Variants in RFX3 observed in about 807,000 individuals in gnomAD.
The protein encoded by RFX3 is regulatory factor X3.
In RFX3, 14 loss-of-function variants were observed where a neutral mutation model predicts 98.6. The ratio of observed to expected loss-of-function variants is 0.14; its 90% CI spans 0.09 to 0.22. The LOEUF (loss-of-function observed/expected upper bound fraction) is 0.22. Among genes scored for constraint, RFX3 ranks in the 10% least tolerant of loss-of-function variants. The pLI, the probability that RFX3 is intolerant of heterozygous loss-of-function variation, is 1.00. For synonymous variants in RFX3, 383 were observed against 328.4 expected (o/e 1.17, Z -1.80); for missense variants, 639 against 926.9 (o/e 0.69, Z 4.03).
At chr9:3,227,239 G>A (rs909932655) in intron 16 of RFX3, among the ~76,000 whole-genome samples, 1 of 152,196 alleles carries the variant, frequency 6.6e-6, no homozygotes, top group African/African-American at 2.4e-5. Context: ...GAGACAAAGT[G>A]AGGAAAGTTC....
intron 1 of RFX3, among the ~76,000 whole-genome samples, chr9:3,430,148 G>A (rs150999113): frequency 0.024 from 3,665 of 152,240 alleles, 78 homozygotes; most frequent in African/African-American, 0.05. Context: ...GGGTATGTAA[G>A]AGAATAAAAT....
At chr9:3,489,019 G>A (rs903214436) in intron 1 of RFX3, 11 of 367,260 alleles carry the variant, frequency 3.0e-5, no homozygotes, top group Non-Finnish European at 4.1e-5. Context: ...TTAGAACTTA[G>A]AAATTAAAGT....
chr9:3,351,337 A>T (rs993606199), intron 2 of RFX3, among the ~76,000 whole-genome samples: 1 of 152,076 alleles, frequency 6.6e-6, no homozygotes, highest in Non-Finnish European at 1.5e-5. Context: ...ATACAAACAT[A>T]TACTAGTTTA....
At chr9:3,476,693 G>C (rs1341435352) in intron 1 of RFX3, among the ~76,000 whole-genome samples, 1 of 152,114 alleles carries the variant, frequency 6.6e-6, no homozygotes, top group Non-Finnish European at 1.5e-5. Context: ...AACTTTATAA[G>C]AATTGCTTTA....
intron 1 of RFX3, among the ~76,000 whole-genome samples, chr9:3,429,375 A>C (rs1416861963): frequency 6.7e-6 from 1 of 149,880 alleles, no homozygotes; most frequent in African/African-American, 2.4e-5. Context: ...GAAAATGTTT[A>C]ATATGTAATC....
intron 1 of RFX3, among the ~76,000 whole-genome samples, chr9:3,408,486 C>G (rs1163890654): frequency 6.6e-6 from 1 of 151,978 alleles, no homozygotes; most frequent in Non-Finnish European, 1.5e-5. Context: ...AAGGATCGGT[C>G]AAGCAGAGGA....
chr9:3,430,642 T>C (rs544351975), intron 1 of RFX3, among the ~76,000 whole-genome samples: 1 of 152,344 alleles, frequency 6.6e-6, no homozygotes, highest in East Asian at 1.9e-4. Context: ...ATCTGATTCA[T>C]TCTTTTGAAT....
At chr9:3,442,575 T>G (rs1309064083) in intron 1 of RFX3, among the ~76,000 whole-genome samples, 1 of 152,154 alleles carries the variant, frequency 6.6e-6, no homozygotes, top group African/African-American at 2.4e-5. Context: ...AAATAAAGTC[T>G]GAAGTATAGC....
intron 13 of RFX3, among the ~76,000 whole-genome samples, chr9:3,259,704 T>C (rs574648693): frequency 7.2e-5 from 11 of 151,992 alleles, no homozygotes; most frequent in African/African-American, 2.4e-4. Flanking sequence ...TACTATCAAT[T>C]AAATGAAACA....
chr9:3,482,846 G>C (rs1463376796), intron 1 of RFX3, among the ~76,000 whole-genome samples: 2 of 151,956 alleles, frequency 1.3e-5, no homozygotes, highest in Non-Finnish European at 1.5e-5. Flanking sequence ...TAGAGACCTT[G>C]ATTCTGTAAC....
chr9:3,503,843 T>G (rs1232896164), intron 1 of RFX3, among the ~76,000 whole-genome samples: 1 of 152,040 alleles, frequency 6.6e-6, no homozygotes, highest in Admixed American at 6.6e-5. Flanking sequence ...AGCCATCATA[T>G]GCAAAGATTC....
At chr9:3,245,471 T>A (rs146887909) in intron 15 of RFX3, among the ~76,000 whole-genome samples, 1,814 of 152,002 alleles carry the variant, frequency 0.012, 46 homozygotes, top group African/African-American at 0.041. Context: ...CACTGAAGGG[T>A]TTCAAGTGGG....
intron 1 of RFX3, among the ~76,000 whole-genome samples, chr9:3,420,500 TA>T (rs991697218): frequency 1.3e-5 from 2 of 152,220 alleles, no homozygotes; most frequent in African/African-American, 4.8e-5. Flanking sequence ...GTAGTATAGA[TA>T]TTTTTTATTA....
chr9:3,445,679 C>G (rs115406467), intron 1 of RFX3, among the ~76,000 whole-genome samples: 4 of 152,060 alleles, frequency 2.6e-5, no homozygotes, highest in Non-Finnish European at 4.4e-5. Context: ...TGATGGCTTT[C>G]GTGCCTTATA....
chr9:3,514,167 T>C (rs971022372), intron 1 of RFX3, among the ~76,000 whole-genome samples: 92 of 152,246 alleles, frequency 6.0e-4, no homozygotes, highest in African/African-American at 2.2e-3. Context: ...TTCAAAGAAC[T>C]TCATCAGACA....
chr9:3,444,593 C>A (rs1223292278), intron 1 of RFX3, among the ~76,000 whole-genome samples: 1 of 152,124 alleles, frequency 6.6e-6, no homozygotes, highest in African/African-American at 2.4e-5. Flanking sequence ...AAATATACCA[C>A]AACAAAGCTG....
Position 3,218,916 on chromosome 9 carries a change from T to TA in RFX3, c.*6125dup. ...TTAAATGATGGCACTTAAAAAAAAA[T>TA]ACAGTATCTTAAAAAAACACAATGA... On this transcript the variant is annotated 3_prime_UTR_variant, in exon 17 of 17. Coordinates refer to ENST00000617270, the MANE Select transcript of RFX3 (RefSeq NM_001282116.2). 6.6e-6 allele frequency: 1 copy of TA among 152,054 alleles called. No homozygotes were observed. Among genetic ancestry groups the TA allele is most frequent in the South Asian group, 2.1e-4 (1 of 4,820 alleles). The allele number at this position is 152,054 out of a possible 1,614,324, so 9.4% of individuals were successfully genotyped here.
In RFX3 at chr9:3,385,256, T is replaced by C. The variant is rs527394244; in HGVS notation, c.117+10216A>G. Among the ~76,000 whole-genome samples the C allele has an allele frequency of 2.3e-3, 347 of 152,296 alleles. 1 individual carries two copies. The highest frequency in any genetic ancestry group is 7.7e-3 in the African/African-American group (318 of 41,560). On this transcript the variant is annotated intron_variant, in intron 2 of 16. Coordinates refer to ENST00000617270, the MANE Select transcript of RFX3 (RefSeq NM_001282116.2). ...CATGTAAAACATTTTATAGGACACA[T>C]TGAATTTTCCCAGCAAAAAAAGAAC...
intron 1 of RFX3, among the ~76,000 whole-genome samples, chr9:3,409,385 G>C (rs964780637): frequency 6.6e-6 from 1 of 152,174 alleles, no homozygotes; most frequent in African/African-American, 2.4e-5. Flanking sequence ...AAATATCAAT[G>C]ATAAAATTGG....
Sources: allele counts gnomAD v4.1 joint callset (sites outside exome capture counted in the v4.1 genomes callset), GRCh38; gene constraint gnomAD v4.1.1; transcripts MANE v1.5; gene names NCBI Gene and HGNC (gene_info 2026-07-23, HGNC 2026-07-21).